GARNL3: variants seen among roughly 807,000 people sequenced by gnomAD.
The protein encoded by GARNL3 is GTPase activating Rap/RanGAP domain like 3.
In GARNL3, 63 loss-of-function variants were observed where a neutral mutation model predicts 125.0. The observed-to-expected ratio is 0.50, with a 90% CI of 0.41 to 0.62. The LOEUF (loss-of-function observed/expected upper bound fraction) is 0.62, where lower values mean the gene tolerates loss of function less well. Ranked by LOEUF, GARNL3 falls within the 20% of genes least tolerant of loss-of-function variation. GARNL3 has a pLI of 0.00. For synonymous variants in GARNL3, 439 were observed against 457.5 expected (o/e 0.96, Z 0.52); for missense variants, 994 against 1,244.0 (o/e 0.80, Z 3.02).
chr9:127,374,161 C>T (rs1270859006), intron 22 of GARNL3, among the ~76,000 whole-genome samples: 2 of 152,128 alleles, frequency 1.3e-5, no homozygotes, highest in Admixed American at 1.3e-4. Context: ...ATTAGCCAGG[C>T]GTGGTGGCTC....
chr9:127,297,426 A>C (rs1430511810), intron 2 of GARNL3, among the ~76,000 whole-genome samples: 1 of 152,164 alleles, frequency 6.6e-6, no homozygotes, highest in Non-Finnish European at 1.5e-5. Context: ...GCTGTGAGCC[A>C]CTGAGCCCAG....
At chr9:127,323,128 T>A (rs2065454435) in intron 6 of GARNL3, among the ~76,000 whole-genome samples, 2 of 152,140 alleles carry the variant, frequency 1.3e-5, no homozygotes, top group Admixed American at 1.3e-4. Flanking sequence ...ATGATTAGAA[T>A]CATGCATACA....
intron 2 of GARNL3, among the ~76,000 whole-genome samples, chr9:127,296,995 G>T (rs2131394286): frequency 6.6e-6 from 1 of 152,176 alleles, no homozygotes; most frequent in East Asian, 1.9e-4. Context: ...CAGGAGCTCT[G>T]TGCTAGGAAC....
intron 4 of GARNL3, among the ~76,000 whole-genome samples, chr9:127,317,158 C>G (rs992982949): frequency 1.3e-5 from 2 of 152,178 alleles, no homozygotes; most frequent in African/African-American, 4.8e-5. Context: ...GACTGAATCA[C>G]TTAGGCAATT....
At chr9:127,231,297 C>A (rs1000632361) in intron 1 of GARNL3, among the ~76,000 whole-genome samples, 1 of 134,018 alleles carries the variant, frequency 7.5e-6, no homozygotes, top group Non-Finnish European at 1.5e-5. Flanking sequence ...TGGTCTAGAT[C>A]TCCTGACCTC....
chr9:127,285,285 G>T (rs1305358894), intron 1 of GARNL3, among the ~76,000 whole-genome samples: 1 of 152,156 alleles, frequency 6.6e-6, no homozygotes, highest in East Asian at 1.9e-4. Context: ...TACAAAATTA[G>T]CTGGGCATGA....
intron 1 of GARNL3, among the ~76,000 whole-genome samples, chr9:127,235,815 A>C (rs2063100936): frequency 6.6e-6 from 1 of 152,186 alleles, no homozygotes; most frequent in Non-Finnish European, 1.5e-5. Flanking sequence ...ATCTCACTGG[A>C]CTGGCTTCAA....
At chr9:127,306,503 G>A (rs1000166189) in intron 2 of GARNL3, among the ~76,000 whole-genome samples, 10 of 152,176 alleles carry the variant, frequency 6.6e-5, no homozygotes, top group African/African-American at 2.4e-4. Flanking sequence ...CGAGGCGGGC[G>A]GATCACGAGG....
At chr9:127,356,145 G>A (rs1230666096) in intron 20 of GARNL3, among the ~76,000 whole-genome samples, 6 of 152,216 alleles carry the variant, frequency 3.9e-5, no homozygotes, top group African/African-American at 1.4e-4. Context: ...AAGGTTTGAA[G>A]CAGAGAAGTG....
At chr9:127,362,925 A>G (rs1349091305) in intron 21 of GARNL3, 1 of 152,200 alleles carries the variant, frequency 6.6e-6, no homozygotes, top group Admixed American at 6.5e-5. Flanking sequence ...AAGGTCCGAG[A>G]GGGGAAACAA....
At chr9:127,275,929 G>C (rs1420354039) in intron 1 of GARNL3, among the ~76,000 whole-genome samples, 1 of 152,130 alleles carries the variant, frequency 6.6e-6, no homozygotes, top group African/African-American at 2.4e-5. Flanking sequence ...CATAATAGAT[G>C]TGAAGGCTCT....
At chr9:127,243,130 T>A in exon 2 of GARNL3, 1 of 1,365,446 alleles carries the variant, frequency 7.3e-7, no homozygotes. Context: ...CGAAGGTGCC[T>A]TGTGGGAGTC....
At chr9:127,231,059 T>A (rs1419299968) in intron 1 of GARNL3, among the ~76,000 whole-genome samples, 10,755 of 102,886 alleles carry the variant, frequency 0.1, 574 homozygotes, top group Non-Finnish European at 0.16. Flanking sequence ...TATTTTTTTT[T>A]TTTTTTTTTT....
At chr9:127,247,590 G>A (rs889830296) in intron 2 of GARNL3, among the ~76,000 whole-genome samples, 1 of 151,956 alleles carries the variant, frequency 6.6e-6, no homozygotes, top group Non-Finnish European at 1.5e-5. Flanking sequence ...CAAATATTAG[G>A]CAATTTTGTT....
At chr9:127,306,824 G>T (rs2064969251) in intron 2 of GARNL3, among the ~76,000 whole-genome samples, 1 of 151,986 alleles carries the variant, frequency 6.6e-6, no homozygotes, top group Admixed American at 6.6e-5. Context: ...GAAACAGGTT[G>T]CAGTGAGCCA....
At chr9:127,348,186 G>T (rs1268245544) in intron 16 of GARNL3, among the ~76,000 whole-genome samples, 1 of 152,182 alleles carries the variant, frequency 6.6e-6, no homozygotes, top group Non-Finnish European at 1.5e-5. Context: ...GTGCTTTGGA[G>T]GGAAGCTAAG....
At chr9:127,332,931 C>G in intron 8 of GARNL3, 92 bp from the exon 9 acceptor site, 1 of 862,320 alleles carries the variant, frequency 1.2e-6, no homozygotes, top group South Asian at 1.3e-5. Flanking sequence ...ATCGGCAGAG[C>G]CCAGTTAATT....
chr9:127,331,627 A>G (rs59968574), intron 7 of GARNL3, among the ~76,000 whole-genome samples: 2,064 of 151,094 alleles, frequency 0.014, 61 homozygotes, highest in African/African-American at 0.047. Context: ...GCTGCTATCT[A>G]TCATTTCCAC....
chr9:127,355,892 A>C (rs1207676573), intron 20 of GARNL3, among the ~76,000 whole-genome samples: 1 of 152,206 alleles, frequency 6.6e-6, no homozygotes, highest in Non-Finnish European at 1.5e-5. Context: ...CCCTCTCTGA[A>C]TAGGTTACCT....
Sources: gnomAD v4.1 joint callset for allele counts (sites outside exome capture counted in the v4.1 genomes callset) on GRCh38, gnomAD v4.1.1 for gene constraint, MANE v1.5 for transcripts, NCBI Gene and HGNC (gene_info 2026-07-23, HGNC 2026-07-21) for gene names.